Variants in SEPTIN3 observed in about 807,000 individuals in gnomAD.
SEPTIN3 encodes septin 3.
In SEPTIN3, 15 loss-of-function variants were observed where a neutral mutation model predicts 45.1. The ratio of observed to expected loss-of-function variants is 0.33; its 90% confidence interval spans 0.22 to 0.51. SEPTIN3 has a LOEUF of 0.51. Among genes scored for constraint, SEPTIN3 ranks in the 20% least tolerant of loss-of-function variants. The pLI is 0.97. For synonymous variants in SEPTIN3, 148 were observed against 164.8 expected (o/e 0.90, Z 0.78); for missense variants, 289 against 457.2 (o/e 0.63, Z 3.35).
In SEPTIN3 at chr22:41,987,472, C is replaced by G. The variant is rs146045994; in HGVS notation, c.1908-150C>G. 2.6e-6 allele frequency: 3 copies of G among 1,151,010 alleles called. No homozygotes were observed. In the South Asian group the frequency reaches 4.5e-5, roughly 17 times the overall value. The allele number at this position is 1,151,010 out of a possible 1,614,324, so 71.3% of individuals were successfully genotyped here. A position where few individuals can be genotyped will look rare whatever the true frequency, so the allele number is the denominator to read the frequency against. On this transcript the variant is annotated intron_variant, in intron 5 of 11. Coordinates refer to ENST00000644076, the MANE Select transcript of SEPTIN3 (RefSeq NM_001363845.2). Reference sequence around the variant, plus strand: ...TAACCATCCAGGAAAGCCATCGGTGCGGGGGCTGAGGGGGAATCTGGCAGC... The same window carrying G: ...TAACCATCCAGGAAAGCCATCGGTGGGGGGGCTGAGGGGGAATCTGGCAGC...
At position 41,972,672 on chromosome 22, in the gene SEPTIN3, A is replaced by G. The variant is rs12169331; in HGVS notation, c.1180A>G (p.Ile394Val). 1,007 of 399,176 alleles carry G rather than the reference A, an allele frequency of 2.5e-3. 5 individuals are homozygous for G. The highest frequency in any genetic ancestry group is 0.019 in the African/African-American group (904 of 48,760). 24.7% of individuals were successfully genotyped at this position (399,176 alleles called of 1,614,324 possible). ...ATCAGACCCAGTCAAGCCGGACACAATCACAGCTACAGTGGGCACCAGTAG... is the reference window on the plus strand; with the variant it reads ...ATCAGACCCAGTCAAGCCGGACACAGTCACAGCTACAGTGGGCACCAGTAG... ...ATSDPVKPDTITATVGTSRLE... is the reference protein window; with the variant it reads ...ATSDPVKPDTVTATVGTSRLE... The change falls in exon 2 of 12, where the codon ATC becomes GTC. Residue 394 changes from isoleucine to valine, a missense_variant. Physicochemically the swap from Ile to Val is conservative, Grantham distance 29. This residue lies in a region of SEPTIN3 where 200 missense variants were observed against 315.1 expected (regional missense o/e 0.63). Transcript: ENST00000644076.
intron 7 of SEPTIN3, 49 bp downstream of exon 7, chr22:41,989,733 C>T: frequency 7.9e-7 from 1 of 1,260,840 alleles, no homozygotes. Flanking sequence ...CCTCCTTTCT[C>T]TCCGCTGGGT....
At chr22:41,988,197 A>G (rs1050931321) in intron 6 of SEPTIN3, among the ~76,000 whole-genome samples, 1 of 152,158 alleles carries the variant, frequency 6.6e-6, no homozygotes, top group African/African-American at 2.4e-5. Flanking sequence ...GTAGGGACCC[A>G]GTTGTAGGCA....
chr22:41,979,502 A>T (rs895142590), intron 2 of SEPTIN3, among the ~76,000 whole-genome samples: 3 of 152,186 alleles, frequency 2.0e-5, no homozygotes, highest in African/African-American at 7.2e-5. Flanking sequence ...CTGGGCAGGA[A>T]AAATGGGGCA....
In SEPTIN3 at chr22:41,972,921, G is replaced by T; in HGVS notation, c.1429G>T (p.Ala477Ser). 1 of 399,176 alleles carries T rather than the reference G, an allele frequency of 2.5e-6. No individual in the cohort carries two copies. Among genetic ancestry groups the T allele is most frequent in the Non-Finnish European group, 4.4e-6 (1 of 226,210 alleles). 24.7% of individuals were successfully genotyped at this position (399,176 alleles called of 1,614,324 possible). ...AATGCCAAGCAGATCCACAGACCTA[G>T]CCCTGGACAACACTAATGCTGCCAT... The part of the protein sequence containing the change: ...LLMPSRSTDL[A>S]LDNTNAAMDR... Residue 477 changes from alanine to serine, a missense_variant, in exon 2 of 12, where the codon GCC becomes TCC. By Grantham distance (99) the Ala-to-Ser change is moderately conservative. Transcript: ENST00000644076.
intron 2 of SEPTIN3, among the ~76,000 whole-genome samples, chr22:41,977,655 T>C (rs1403788674): frequency 8.3e-6 from 1 of 120,030 alleles, no homozygotes; most frequent in Non-Finnish European, 1.8e-5. Context: ...GGTGGGGTCC[T>C]GAAGGCTGCG....
chr22:41,996,798 G>A (rs948701125), intron 11 of SEPTIN3, 104 bp from the exon 12 acceptor site: 8 of 1,554,944 alleles, frequency 5.1e-6, no homozygotes, highest in Non-Finnish European at 7.0e-6. Context: ...AATGGTGCCT[G>A]GCACCCCTGA....
At chr22:41,982,891 CA>C (rs369512950) in intron 3 of SEPTIN3, among the ~76,000 whole-genome samples, 15 of 134,884 alleles carry the variant, frequency 1.1e-4, no homozygotes, top group South Asian at 2.3e-4. Flanking sequence ...AACTCCATCT[CA>C]AAAAAAAAAG....
At chr22:41,991,840 C>T (rs1355773509) in intron 8 of SEPTIN3, among the ~76,000 whole-genome samples, 172 bp downstream of exon 8, 3 of 151,908 alleles carry the variant, frequency 2.0e-5, no homozygotes, top group Admixed American at 6.6e-5. Context: ...GGACTGTGAA[C>T]CCACAGAAGG....
rs576062501 is a variant in SEPTIN3 at position 41,972,787 on chromosome 22, G to A, written c.1295G>A (p.Gly432Asp). The A allele has an allele frequency of 2.5e-6, 1 of 399,162 alleles. No homozygotes were observed. The highest frequency in any genetic ancestry group is 4.4e-6 in the Non-Finnish European group (1 of 226,164). 24.7% of individuals were successfully genotyped at this position (399,162 alleles called of 1,614,324 possible). The change falls in exon 2 of 12, where the codon GGC becomes GAC. Residue 432 changes from glycine (G) to aspartate (D), a missense_variant. By Grantham distance (94) the Gly-to-Asp change is moderately conservative (BLOSUM62 -1). Around this residue, in one of 3 missense-constraint regions of SEPTIN3, gnomAD observed 200 missense variants for 315.1 expected, o/e 0.63. Transcript: ENST00000644076. ...NSLALDTSRM[G>D]TAVGSVVPVT... ...CTTGCTTTGGACACAAGCAGGATGGGCACAGCTGTGGGTTCAGTTGTGCCA... is the reference window on the plus strand; with the variant it reads ...CTTGCTTTGGACACAAGCAGGATGGACACAGCTGTGGGTTCAGTTGTGCCA...
In SEPTIN3 at chr22:41,987,299, C is replaced by T; in HGVS notation, c.1907+12C>T. 1.2e-6 allele frequency: 2 copies of T among 1,604,082 alleles called. No homozygotes were observed. Among genetic ancestry groups the T allele is most frequent in the Non-Finnish European group, 1.7e-6 (2 of 1,173,074 alleles). ...AACAATGAAAACTGGTATCTGTCTG[C>T]CTCTGAGATCTTTGCCCTAAAGACT... is the stretch of plus-strand genomic sequence containing the variant. On this transcript the variant is annotated intron_variant, in intron 5 of 11. Coordinates refer to ENST00000644076, the MANE Select transcript of SEPTIN3 (RefSeq NM_001363845.2).
chr22:41,975,321 CAG>C (rs1206500736), intron 2 of SEPTIN3, among the ~76,000 whole-genome samples: 1 of 152,200 alleles, frequency 6.6e-6, no homozygotes, highest in African/African-American at 2.4e-5. Flanking sequence ...TTCAAGGGCT[CAG>C]AGTTTTTGGG....
rs980386904 is a variant in SEPTIN3, at chr22:41,972,196, C to T, written c.704C>T (p.Pro235Leu). ...PTRASPGKGK[P>L]RARGIPRPRG... ...AGAGCTTCTCCAGGAAAAGGCAAGCCCCGGGCCAGGGGGATCCCCAGACCC... is the reference window on the plus strand; with the variant it reads ...AGAGCTTCTCCAGGAAAAGGCAAGCTCCGGGCCAGGGGGATCCCCAGACCC... The change falls in exon 2 of 12, where the codon CCC becomes CTC. Residue 235 changes from proline to leucine, a missense_variant. Pro to Leu is a moderately conservative substitution (Grantham distance 98, BLOSUM62 -3). Around this residue, in one of 3 missense-constraint regions of SEPTIN3, gnomAD observed 200 missense variants for 315.1 expected, o/e 0.63. Transcript: ENST00000644076. 1 of 398,986 alleles carries T rather than the reference C, an allele frequency of 2.5e-6. No individual in the cohort carries two copies. Among genetic ancestry groups the T allele is most frequent in the Admixed American group, 4.4e-5 (1 of 22,710 alleles). 24.7% of individuals were successfully genotyped at this position (398,986 alleles called of 1,614,324 possible). A position where few individuals can be genotyped will look rare whatever the true frequency, so the allele number is the denominator to read the frequency against.
chr22:41,973,598 G>A (rs559026282), intron 2 of SEPTIN3, among the ~76,000 whole-genome samples: 58 of 152,074 alleles, frequency 3.8e-4, no homozygotes, highest in Non-Finnish European at 6.2e-4. Flanking sequence ...GCGTGAACCC[G>A]GGAGGTGGAG....
chr22:41,973,194 G>A (rs1322723793), intron 2 of SEPTIN3, among the ~76,000 whole-genome samples, 198 bp downstream of exon 2: 2 of 152,122 alleles, frequency 1.3e-5, no homozygotes, highest in Admixed American at 6.6e-5. Flanking sequence ...GTTCTAACCT[G>A]CCAGTCTGAG....
chr22:41,988,904 T>C (rs554032006), intron 6 of SEPTIN3, among the ~76,000 whole-genome samples: 19 of 152,158 alleles, frequency 1.2e-4, no homozygotes, highest in African/African-American at 4.3e-4. Flanking sequence ...GGCAGGAAGA[T>C]TGCTTGAGTC....
Position 41,992,709 on chromosome 22 carries a change from C to G in SEPTIN3, c.2305C>G (p.Gln769Glu). The G allele has an allele frequency of 6.2e-7, 1 of 1,612,380 alleles. No individual in the cohort carries two copies. The highest frequency in any genetic ancestry group is 8.5e-7 in the Non-Finnish European group (1 of 1,179,330). ...FAVVGSDKEYQVNGKRVLGRK... is the reference protein window; with the variant it reads ...FAVVGSDKEYEVNGKRVLGRK... Reference sequence around the variant, plus strand: ...TGTGGTGGGAAGTGACAAGGAGTACCAAGTGAATGGCAAGAGGGTCCTCGG... The same window carrying G: ...TGTGGTGGGAAGTGACAAGGAGTACGAAGTGAATGGCAAGAGGGTCCTCGG... Residue 769 changes from glutamine (Q) to glutamate (E), a missense_variant, in exon 9 of 12, where the codon CAA becomes GAA. By Grantham distance (29) the Gln-to-Glu change is conservative (BLOSUM62 2). Around this residue, in one of 3 missense-constraint regions of SEPTIN3, gnomAD observed 84 missense variants for 114.7 expected, o/e 0.73. Coordinates refer to ENST00000644076, the MANE Select transcript of SEPTIN3 (RefSeq NM_001363845.2).
chr22:41,972,161 C>T lies in SEPTIN3; in HGVS notation c.669C>T (p.His223=), dbSNP rs2077966949. ...GGCACCTTGTCTCAGTGACTGACCA[C>T]ATGCCTACCAGAGCTTCTCCAGGAA... is the stretch of plus-strand genomic sequence containing the variant. ...GQGHLVSVTD[H]MPTRASPGKG... Residue 223 remains histidine (H), a synonymous_variant, in exon 2 of 12, where the codon CAC becomes CAT. Coordinates refer to ENST00000644076, the MANE Select transcript of SEPTIN3 (RefSeq NM_001363845.2). 5.0e-6 allele frequency: 2 copies of T among 399,018 alleles called. No individual in the cohort carries two copies. Among genetic ancestry groups the T allele is most frequent in the Admixed American group, 8.8e-5 (2 of 22,722 alleles). 24.7% of individuals were successfully genotyped at this position (399,018 alleles called of 1,614,324 possible).
Position 41,986,012 on chromosome 22 carries a change from G to A in SEPTIN3, c.1725G>A (p.Leu575=), listed in dbSNP as rs2078201576. 2 of 1,612,604 alleles carry A rather than the reference G, an allele frequency of 1.2e-6. No individual in the cohort carries two copies. The highest frequency in any genetic ancestry group is 3.3e-5 in the Admixed American group (2 of 59,852). ...VGQSGLGKST[L]VNTLFKSQVS... ...AGAGTGGACTGGGCAAATCAACGCT[G>A]GTCAACACGCTCTTCAAATCCCAAG... The change falls in exon 4 of 12, where the codon CTG becomes CTA. Residue 575 remains leucine (L), a synonymous_variant. Coordinates refer to ENST00000644076, the MANE Select transcript of SEPTIN3 (RefSeq NM_001363845.2).
Sources: allele counts gnomAD v4.1 joint callset (sites outside exome capture counted in the v4.1 genomes callset), GRCh38; gene constraint gnomAD v4.1.1; regional missense constraint gnomAD v4.1.1; transcripts MANE v1.5; gene names NCBI Gene and HGNC (gene_info 2026-07-23, HGNC 2026-07-21).